Variants in MTMR8 observed in about 807,000 individuals in gnomAD.
MTMR8 encodes the protein myotubularin related protein 8, also known as phosphatidylinositol-3,5-bisphosphate 3-phosphatase MTMR8.
A neutral mutation model predicts 39.3 loss-of-function variants in MTMR8; 65 were observed. That is an observed-to-expected ratio of 1.65 (90% CI 1.35 to 2.03). MTMR8 has a LOEUF of 2.03. MTMR8 is among the 30% of genes most tolerant of loss of function. The probability of loss-of-function intolerance (pLI) is 0.00; values close to 1 mark genes in which losing one functional copy is unlikely to be tolerated. For missense variants in MTMR8, 777 were observed against 538.9 expected (o/e 1.44, Z -4.37); for synonymous variants, 245 against 185.2 (o/e 1.32, Z -2.62).
At chrX:64,310,402 T>C (rs1320373222) in intron 12 of MTMR8, among the ~76,000 whole-genome samples, 1 of 111,578 alleles carries the variant, frequency 9.0e-6, no homozygotes, top group Non-Finnish European at 1.9e-5. Context: ...ACTGAAGTCT[T>C]GAACTCATCA....
chrX:64,328,858 C>A lies in MTMR8; in HGVS notation c.1395G>T (p.Gln465His), dbSNP rs1470488663. 5 of 1,198,777 alleles carry A rather than the reference C, an allele frequency of 4.2e-6. No individual in the cohort carries two copies. In the Admixed American group the frequency reaches 1.2e-4, roughly 28 times the overall value. Residue 465 changes from glutamine (Q) to histidine (H), a missense_variant, in exon 12 of 14, where the codon CAG becomes CAT. Coordinates refer to ENST00000374852, the MANE Select transcript of MTMR8 (RefSeq NM_017677.4). ...GAGGGTTCCTGAAGTCTGGTTTCCTCTGAACCAAGAAAGGCCACACAGAAT... is the reference window on the plus strand; with the variant it reads ...GAGGGTTCCTGAAGTCTGGTTTCCTATGAACCAAGAAAGGCCACACAGAAT... ...KTHSVWPFLV[Q>H]RKPDFRNPLY... is the part of the protein sequence containing the mutation.
At chrX:64,286,807 A>G (rs772552511) in intron 12 of MTMR8, among the ~76,000 whole-genome samples, 1 of 111,448 alleles carries the variant, frequency 9.0e-6, no homozygotes, top group East Asian at 2.8e-4. Context: ...TTGATGGGAT[A>G]TATCTCAAAA....
chrX:64,383,168 C>T (rs1490704223), intron 1 of MTMR8, among the ~76,000 whole-genome samples: 3 of 111,065 alleles, frequency 2.7e-5, no homozygotes, highest in African/African-American at 9.8e-5. Context: ...TCACCTGCCC[C>T]TAGGATTCTG....
chrX:64,316,961 A>C (rs927245338), intron 12 of MTMR8, among the ~76,000 whole-genome samples: 6 of 108,433 alleles, frequency 5.5e-5, no homozygotes, highest in African/African-American at 2.0e-4. Flanking sequence ...AAAGACAAAA[A>C]GTTAGCCAGG....
At chrX:64,270,859 G>A (rs890869430) in intron 13 of MTMR8, 88 bp downstream of exon 13, 7 of 1,048,603 alleles carry the variant, frequency 6.7e-6, no homozygotes, top group Non-Finnish European at 7.6e-6. Context: ...CAGCCAGTCA[G>A]CTTTCCACAA....
intron 1 of MTMR8, among the ~76,000 whole-genome samples, chrX:64,392,387 T>C: frequency 8.9e-6 from 1 of 111,824 alleles, no homozygotes; most frequent in East Asian, 2.8e-4. Context: ...CTTCAAGAAA[T>C]AATATGGATA....
chrX:64,360,158 C>T (rs1444735868), intron 1 of MTMR8, among the ~76,000 whole-genome samples: 4 of 109,805 alleles, frequency 3.6e-5, no homozygotes, highest in South Asian at 3.8e-4. Context: ...TAAGATATGC[C>T]AGGCAAATAT....
chrX:64,271,222 A>G, intron 12 of MTMR8, 149 bp from the exon 13 acceptor site: 1 of 540,250 alleles, frequency 1.9e-6, no homozygotes, highest in Non-Finnish European at 2.7e-6. Flanking sequence ...AAGCCTGGAC[A>G]TGCTCATAAT....
intron 1 of MTMR8, among the ~76,000 whole-genome samples, chrX:64,377,972 C>G (rs1415486121): frequency 9.0e-6 from 1 of 111,569 alleles, no homozygotes; most frequent in East Asian, 2.8e-4. Flanking sequence ...TGTAGCACTT[C>G]CCCTTTTGCT....
At position 64,343,699 on chromosome X, in the gene MTMR8, G is replaced by A. The variant is rs1372952925; in HGVS notation, c.887C>T (p.Thr296Ile). ...CAGGCCGCTAAGAAATTCACTCATT[G>A]TTGGAGTTTTCAATTCACAAACTAA... ...LLEVCELKTPTMSEFLSGLES... is the reference protein window; with the variant it reads ...LLEVCELKTPIMSEFLSGLES... Residue 296 changes from threonine (T) to isoleucine (I), a missense_variant, in exon 8 of 14, where the codon ACA becomes ATA. Thr to Ile is a moderately conservative substitution (Grantham distance 89, BLOSUM62 -1). Coordinates refer to ENST00000374852, the MANE Select transcript of MTMR8 (RefSeq NM_017677.4). 1.1e-5 allele frequency: 13 copies of A among 1,203,047 alleles called. No individual in the cohort carries two copies. The highest frequency in any genetic ancestry group is 1.5e-5 in the Non-Finnish European group (13 of 888,897).
chrX:64,285,271 A>T (rs1395185208), intron 12 of MTMR8, among the ~76,000 whole-genome samples: 1 of 111,990 alleles, frequency 8.9e-6, no homozygotes, highest in Non-Finnish European at 1.9e-5. Flanking sequence ...AAGAAGAGCT[A>T]ACTATCCTAA....
intron 10 of MTMR8, among the ~76,000 whole-genome samples, chrX:64,333,645 C>T (rs1239328322): frequency 5.4e-5 from 6 of 111,416 alleles, no homozygotes; most frequent in Middle Eastern, 4.6e-3. Flanking sequence ...GACCCAAACC[C>T]GACCCCTTCT....
chrX:64,373,828 G>C (rs1266740379), intron 1 of MTMR8, among the ~76,000 whole-genome samples: 3 of 111,250 alleles, frequency 2.7e-5, no homozygotes, highest in Non-Finnish European at 5.6e-5. Flanking sequence ...AGACAAGGCA[G>C]TAATAATGGG....
intron 1 of MTMR8, among the ~76,000 whole-genome samples, chrX:64,386,152 T>C (rs1336880248): frequency 1.8e-5 from 2 of 112,105 alleles, no homozygotes; most frequent in Admixed American, 1.9e-4. Flanking sequence ...TTTATTCTAT[T>C]CTGTTTTCCG....
intron 1 of MTMR8, among the ~76,000 whole-genome samples, chrX:64,376,892 G>C (rs1181498475): frequency 8.9e-6 from 1 of 111,924 alleles, no homozygotes; most frequent in African/African-American, 3.2e-5. Context: ...TTGTGGTCTG[G>C]GCCCAGGGCC....
chrX:64,367,880 T>C lies in MTMR8; in HGVS notation c.25-8353A>G, dbSNP rs192305666. ...AAAACCCCATTGTCTCAGCCCAAAA[T>C]CTCATTAAGCTGATAGGCAACTTCA... On this transcript the variant is annotated intron_variant, in intron 1 of 13. Coordinates refer to ENST00000374852, the MANE Select transcript of MTMR8 (RefSeq NM_017677.4). Among the ~76,000 whole-genome samples the C allele has an allele frequency of 4.4e-3, 493 of 111,732 alleles. 1 individual carries two copies. The highest frequency in any genetic ancestry group is 7.5e-3 in the Non-Finnish European group (400 of 53,108).
At chrX:64,394,895 T>A (rs776708477) in intron 1 of MTMR8, among the ~76,000 whole-genome samples, 25 of 112,316 alleles carry the variant, frequency 2.2e-4, no homozygotes, top group Admixed American at 2.0e-3. Flanking sequence ...GGAAGGTTAG[T>A]GGCTGGAGGA....
rs1015018626 is a variant in MTMR8, at chrX:64,348,748, C to A, written c.644G>T (p.Arg215Leu). The change falls in exon 6 of 14, where the codon CGC (arginine) becomes CTC (leucine). Residue 215 changes from arginine to leucine, a missense_variant. By Grantham distance (102) the Arg-to-Leu change is moderately radical. Coordinates refer to ENST00000374852, the MANE Select transcript of MTMR8 (RefSeq NM_017677.4). Reference sequence around the variant, plus strand: ...CAACAAGAGCTCATCATCTACACAGCGAGTGTAAAATCCAGAGAGAGGCTG... The same window carrying A: ...CAACAAGAGCTCATCATCTACACAGAGAGTGTAAAATCCAGAGAGAGGCTG... Reference protein sequence around the residue: ...CSQPLSGFYTRCVDDELLLEA... With the variant: ...CSQPLSGFYTLCVDDELLLEA... 4 of 1,210,452 alleles carry A rather than the reference C, an allele frequency of 3.3e-6. No individual in the cohort carries two copies. Among genetic ancestry groups the A allele is most frequent in the Middle Eastern group, 2.3e-4 (1 of 4,349 alleles).
At chrX:64,303,413 A>T (rs1465028475) in intron 12 of MTMR8, among the ~76,000 whole-genome samples, 1 of 112,424 alleles carries the variant, frequency 8.9e-6, no homozygotes, top group Non-Finnish European at 1.9e-5. Flanking sequence ...CTCTAGTTCA[A>T]CAGAGTTATG....
Sources: gnomAD v4.1 joint callset for allele counts (sites outside exome capture counted in the v4.1 genomes callset) on GRCh38, gnomAD v4.1.1 for gene constraint, MANE v1.5 for transcripts, NCBI Gene and HGNC (gene_info 2026-07-23, HGNC 2026-07-21) for gene names.